The following RFX3 variants were observed in gnomAD, a reference collection of about 807,000 sequenced individuals.
RFX3 encodes the protein transcription factor RFX3.
In RFX3, 14 loss-of-function variants were observed where a neutral mutation model predicts 98.6. That is an observed-to-expected ratio of 0.14 (90% CI 0.09 to 0.22). RFX3 has a LOEUF of 0.22. Ranked by LOEUF, RFX3 falls within the 10% of genes least tolerant of loss-of-function variation. RFX3 has a pLI of 1.00. For missense variants in RFX3, 639 were observed against 926.9 expected (o/e 0.69, Z 4.03); for synonymous variants, 383 against 328.4 (o/e 1.17, Z -1.80).
At chr9:3,394,558 C>G (rs1386956621) in intron 2 of RFX3, among the ~76,000 whole-genome samples, 1 of 152,206 alleles carries the variant, frequency 6.6e-6, no homozygotes, top group African/African-American at 2.4e-5. Flanking sequence ...ACACCCCCTG[C>G]CCAACCCAAT....
At chr9:3,315,961 T>A (rs1339928161) in intron 4 of RFX3, among the ~76,000 whole-genome samples, 1 of 152,202 alleles carries the variant, frequency 6.6e-6, no homozygotes, top group Non-Finnish European at 1.5e-5. Context: ...GAGGAGCTGG[T>A]ACCATTCCTT....
At chr9:3,292,408 T>G (rs1827506356) in intron 6 of RFX3, among the ~76,000 whole-genome samples, 1 of 152,166 alleles carries the variant, frequency 6.6e-6, no homozygotes, top group African/African-American at 2.4e-5. Context: ...TTCACATTGT[T>G]TCAATTCAAT....
chr9:3,235,556 T>C (rs564399505), intron 15 of RFX3, among the ~76,000 whole-genome samples: 3 of 152,330 alleles, frequency 2.0e-5, no homozygotes, highest in African/African-American at 7.2e-5. Flanking sequence ...GGGTTTGCAG[T>C]CACTAAAATC....
chr9:3,480,698 T>A (rs1221214125), intron 1 of RFX3, among the ~76,000 whole-genome samples: 1 of 152,206 alleles, frequency 6.6e-6, no homozygotes, highest in Non-Finnish European at 1.5e-5. Context: ...TAATTATAAG[T>A]GGAACCTGTT....
In RFX3 at chr9:3,444,477, G is replaced by A. The variant is rs1400678248; in HGVS notation, c.-8-48881C>T. 2.6e-5 allele frequency among the ~76,000 whole-genome samples: 4 copies of A among 151,918 alleles called. No individual in the cohort carries two copies. In the South Asian group the frequency reaches 8.3e-4, roughly 32 times the overall value. On this transcript the variant is annotated intron_variant, in intron 1 of 16. Coordinates refer to ENST00000617270, the MANE Select transcript of RFX3 (RefSeq NM_001282116.2). ...AATAGGGACACAGGGAAACTTCTGGGGCGATAGTATATACACTATCTTGAT... is the reference window on the plus strand; with the variant it reads ...AATAGGGACACAGGGAAACTTCTGGAGCGATAGTATATACACTATCTTGAT...
chr9:3,378,202 T>C (rs78433638), intron 2 of RFX3, among the ~76,000 whole-genome samples: 23 of 152,302 alleles, frequency 1.5e-4, no homozygotes, highest in Middle Eastern at 6.8e-3. Flanking sequence ...TTAGGTAATA[T>C]CTTCAAATTG....
chr9:3,328,703 G>A (rs1832216518), intron 4 of RFX3, among the ~76,000 whole-genome samples: 1 of 152,100 alleles, frequency 6.6e-6, no homozygotes, highest in East Asian at 1.9e-4. Context: ...GGCACTGAAT[G>A]ATGAAAGTAG....
At chr9:3,463,618 T>A (rs184713788) in intron 1 of RFX3, among the ~76,000 whole-genome samples, 108 of 152,116 alleles carry the variant, frequency 7.1e-4, no homozygotes, top group African/African-American at 2.3e-3. Context: ...AGGACTTCTA[T>A]CCAGAATATG....
intron 15 of RFX3, among the ~76,000 whole-genome samples, chr9:3,233,206 G>A (rs1686824726): frequency 6.6e-6 from 1 of 152,186 alleles, no homozygotes; most frequent in Non-Finnish European, 1.5e-5. Context: ...GACTAGCAAT[G>A]TCCATGAAGT....
chr9:3,506,273 T>C (rs1817086981), intron 1 of RFX3, among the ~76,000 whole-genome samples: 1 of 151,306 alleles, frequency 6.6e-6, no homozygotes, highest in Non-Finnish European at 1.5e-5. Flanking sequence ...AGGCAGATAA[T>C]CATACCTTCG....
rs754196626 is a variant in RFX3 at position 3,225,299 on chromosome 9, C to T, written c.2012-19G>A. 2 of 1,610,680 alleles carry T rather than the reference C, an allele frequency of 1.2e-6. No individual in the cohort carries two copies. The highest frequency in any genetic ancestry group is 2.2e-5 in the South Asian group (2 of 90,942). Reference sequence around the variant, plus strand: ...CCTTCATCTGCACAAACAAATAATACCAAGACTATCATCGAAGACAAATTA... The same window carrying T: ...CCTTCATCTGCACAAACAAATAATATCAAGACTATCATCGAAGACAAATTA... On this transcript the variant is annotated intron_variant, in intron 16 of 16. Transcript: ENST00000617270.
In RFX3 at chr9:3,248,297, A is replaced by G. The variant is rs1820945562; in HGVS notation, c.1815-112T>C. On this transcript the variant is annotated intron_variant, in intron 14 of 16. Coordinates refer to ENST00000617270, the MANE Select transcript of RFX3 (RefSeq NM_001282116.2). The stretch of plus-strand genomic sequence containing the variant: ...AGCTGGGAGTCTATATGGTTGGTAT[A>G]GTATAAAACCTGCCATGAAAGCATT... 6.0e-6 allele frequency: 8 copies of G among 1,330,558 alleles called. No individual in the cohort carries two copies. The South Asian group carries it at 1.3e-4, about 21-fold the overall frequency. 82.4% of individuals were successfully genotyped at this position (1,330,558 alleles called of 1,614,324 possible).
At chr9:3,459,577 T>C (rs914957926) in intron 1 of RFX3, among the ~76,000 whole-genome samples, 7 of 152,158 alleles carry the variant, frequency 4.6e-5, no homozygotes, top group Non-Finnish European at 7.4e-5. Flanking sequence ...TTATGAATAA[T>C]AAGTGAAAGT....
intron 1 of RFX3, among the ~76,000 whole-genome samples, chr9:3,514,739 C>CA (rs1454767863): frequency 6.6e-6 from 1 of 152,116 alleles, no homozygotes; most frequent in Non-Finnish European, 1.5e-5. Flanking sequence ...GTGAGCTAAA[C>CA]AAAGTATTTT....
chr9:3,504,387 A>G lies in RFX3; in HGVS notation c.-9+21360T>C, dbSNP rs534854630. On this transcript the variant is annotated intron_variant, in intron 1 of 16. Coordinates refer to ENST00000617270, the MANE Select transcript of RFX3 (RefSeq NM_001282116.2). Reference sequence around the variant, plus strand: ...ATAAAATATATATTATATACCACATAGCATATATTGTATATAAAATATATA... The same window carrying G: ...ATAAAATATATATTATATACCACATGGCATATATTGTATATAAAATATATA... Among the ~76,000 whole-genome samples the G allele has an allele frequency of 3.6e-3, 479 of 132,038 alleles. 18 individuals are homozygous for G. The highest frequency in any genetic ancestry group is 0.014 in the South Asian group (55 of 3,950). The allele number at this position is 132,038 out of a possible 152,430, so 86.6% of individuals were successfully genotyped here. A position where few individuals can be genotyped will look rare whatever the true frequency, so the allele number is the denominator to read the frequency against.
chr9:3,255,971 CTT>C (rs1188309644), intron 14 of RFX3, among the ~76,000 whole-genome samples: 2 of 148,616 alleles, frequency 1.3e-5, no homozygotes, highest in African/African-American at 4.9e-5. Flanking sequence ...TTATCTCTCT[CTT>C]TTTTTTTTTC....
chr9:3,286,139 T>G (rs1826568365), intron 7 of RFX3, among the ~76,000 whole-genome samples: 1 of 151,830 alleles, frequency 6.6e-6, no homozygotes, highest in Non-Finnish European at 1.5e-5. Flanking sequence ...AACTTTCTTT[T>G]TCTTGATTTC....
chr9:3,362,873 G>A (rs866442137), intron 2 of RFX3, among the ~76,000 whole-genome samples: 2 of 152,188 alleles, frequency 1.3e-5, no homozygotes, highest in South Asian at 2.1e-4. Flanking sequence ...AAGGCGAGAG[G>A]GGGAGTGTGT....
chr9:3,374,696 A>AG (rs1223923962), intron 2 of RFX3, among the ~76,000 whole-genome samples: 1 of 152,162 alleles, frequency 6.6e-6, no homozygotes, highest in Non-Finnish European at 1.5e-5. Context: ...AGCAGTTACC[A>AG]GGGGGAAATG....
Sources: gnomAD v4.1 joint callset for allele counts (sites outside exome capture counted in the v4.1 genomes callset) on GRCh38, gnomAD v4.1.1 for gene constraint, MANE v1.5 for transcripts, NCBI Gene and HGNC (gene_info 2026-07-23, HGNC 2026-07-21) for gene names.